PPP2R2C: variants seen among roughly 807,000 people sequenced by gnomAD.
The protein encoded by PPP2R2C is protein phosphatase 2, regulatory subunit B, gamma.
In PPP2R2C, 10 loss-of-function variants were observed where a neutral mutation model predicts 45.3. The observed-to-expected ratio is 0.22, with a 90% CI of 0.14 to 0.37. The LOEUF (loss-of-function observed/expected upper bound fraction) is 0.37. PPP2R2C is among the 10% of genes least tolerant of loss of function. The pLI, the probability that PPP2R2C is intolerant of heterozygous loss-of-function variation, is 1.00. For missense variants in PPP2R2C, 308 were observed against 619.7 expected (o/e 0.50, Z 5.34); for synonymous variants, 257 against 245.4 (o/e 1.05, Z -0.44).
At chr4:6,410,280 T>C (rs1718076854) in intron 1 of PPP2R2C, among the ~76,000 whole-genome samples, 1 of 152,118 alleles carries the variant, frequency 6.6e-6, no homozygotes, top group Non-Finnish European at 1.5e-5. Context: ...TAATGAAGCG[T>C]CCCATGTTCT....
At chr4:6,442,433 C>T (rs1374081936) in intron 1 of PPP2R2C, among the ~76,000 whole-genome samples, 1 of 152,248 alleles carries the variant, frequency 6.6e-6, no homozygotes, top group African/African-American at 2.4e-5. Flanking sequence ...CCACGTGCTT[C>T]AGTCCGTGGG....
At chr4:6,544,771 G>A (rs76990761) in intron 1 of PPP2R2C, among the ~76,000 whole-genome samples, 2,774 of 152,272 alleles carry the variant, frequency 0.018, 75 homozygotes, top group African/African-American at 0.056. Flanking sequence ...CCTTCTCCCT[G>A]TGCTCTGCAA....
At chr4:6,395,216 C>G (rs1183703620) in intron 1 of PPP2R2C, among the ~76,000 whole-genome samples, 1 of 152,198 alleles carries the variant, frequency 6.6e-6, no homozygotes, top group Non-Finnish European at 1.5e-5. Context: ...CTGGCTCACC[C>G]TCTCGCTCTC....
At chr4:6,524,856 A>C (rs1348187857) in intron 2 of PPP2R2C, among the ~76,000 whole-genome samples, 1 of 152,206 alleles carries the variant, frequency 6.6e-6, no homozygotes, top group East Asian at 1.9e-4. Flanking sequence ...TGGGAGGCTG[A>C]GGTGGGAGGA....
intron 1 of PPP2R2C, among the ~76,000 whole-genome samples, chr4:6,443,952 T>G (rs1174899276): frequency 6.6e-6 from 1 of 152,040 alleles, no homozygotes; most frequent in East Asian, 1.9e-4. Flanking sequence ...CCCTGGCCCA[T>G]GTGTAGCCTC....
intron 1 of PPP2R2C, among the ~76,000 whole-genome samples, chr4:6,545,283 G>C (rs372541387): frequency 6.6e-6 from 1 of 152,150 alleles, no homozygotes; most frequent in Admixed American, 6.5e-5. Flanking sequence ...GACTGAAATC[G>C]TGTTATAATT....
intron 1 of PPP2R2C, among the ~76,000 whole-genome samples, chr4:6,544,906 T>C (rs967881952): frequency 6.6e-6 from 1 of 152,270 alleles, no homozygotes; most frequent in Non-Finnish European, 1.5e-5. Flanking sequence ...GTGTTGCTCC[T>C]ACTGTCAAAT....
At position 6,327,152 on chromosome 4, in the gene PPP2R2C, G is replaced by T. The variant is rs1192751706; in HGVS notation, c.1052+2110C>A. Among the ~76,000 whole-genome samples the T allele has an allele frequency of 5.3e-5, 8 of 152,176 alleles. No homozygotes were observed. In the East Asian group the frequency reaches 1.5e-3, roughly 29 times the overall value. The stretch of plus-strand genomic sequence containing the variant: ...ACCCACAGCCACTGGACACACCTGA[G>T]GTCCCCAGTGAAGGGCTCAGAACAG... On this transcript the variant is annotated intron_variant, in intron 8 of 8. Transcript: ENST00000382599.
intron 1 of PPP2R2C, among the ~76,000 whole-genome samples, chr4:6,432,397 A>G (rs1182033616): frequency 4.6e-5 from 7 of 152,176 alleles, no homozygotes; most frequent in East Asian, 1.9e-4. Context: ...CAAGTGTTGT[A>G]CCCACATCCT....
chr4:6,520,330 G>T (rs1723977468), intron 2 of PPP2R2C, among the ~76,000 whole-genome samples: 1 of 152,122 alleles, frequency 6.6e-6, no homozygotes, highest in South Asian at 2.1e-4. Flanking sequence ...TACCGCAGGG[G>T]GTAGCATGGT....
chr4:6,326,870 G>A (rs1577066315), intron 8 of PPP2R2C, among the ~76,000 whole-genome samples: 1 of 152,332 alleles, frequency 6.6e-6, no homozygotes, highest in Non-Finnish European at 1.5e-5. Context: ...CGCTCTGCGG[G>A]CCGGACCAAC....
At chr4:6,391,393 C>G (rs1432453697) in intron 1 of PPP2R2C, among the ~76,000 whole-genome samples, 1 of 152,338 alleles carries the variant, frequency 6.6e-6, no homozygotes, top group African/African-American at 2.4e-5. Flanking sequence ...GGAACTCGCC[C>G]TTATTGCCAC....
Position 6,323,288 on chromosome 4 carries a change from G to C in PPP2R2C, c.*14C>G. 6.3e-7 allele frequency: 1 copy of C among 1,576,196 alleles called. No homozygotes were observed. The highest frequency in any genetic ancestry group is 1.1e-5 in the South Asian group (1 of 86,980). On this transcript the variant is annotated 3_prime_UTR_variant, in exon 9 of 9. Transcript: ENST00000382599. ...GCATGAGGCTGGGTGGCAGGGGCCG[G>C]GAACTGCACATACCTAGTGCATGTC...
At chr4:6,516,382 G>A (rs772716527) in intron 2 of PPP2R2C, among the ~76,000 whole-genome samples, 10 of 152,228 alleles carry the variant, frequency 6.6e-5, no homozygotes, top group South Asian at 4.1e-4. Context: ...CGTCTTACCC[G>A]CAGTGCTGCT....
intron 2 of PPP2R2C, among the ~76,000 whole-genome samples, chr4:6,490,765 A>G (rs1262460114): frequency 6.6e-6 from 1 of 152,212 alleles, no homozygotes; most frequent in Non-Finnish European, 1.5e-5. Flanking sequence ...AACATCAGCC[A>G]TGGCGAGAAG....
chr4:6,399,050 C>A (rs1463612623), intron 1 of PPP2R2C, among the ~76,000 whole-genome samples: 1 of 152,206 alleles, frequency 6.6e-6, no homozygotes, highest in East Asian at 1.9e-4. Context: ...GACTATCCTA[C>A]AGTGACCAAA....
At chr4:6,326,550 A>C (rs1010577323) in intron 8 of PPP2R2C, among the ~76,000 whole-genome samples, 1 of 152,184 alleles carries the variant, frequency 6.6e-6, no homozygotes, top group African/African-American at 2.4e-5. Flanking sequence ...CAGGCCTGCC[A>C]ATAGGATAGT....
intron 1 of PPP2R2C, among the ~76,000 whole-genome samples, chr4:6,542,980 G>A (rs534093930): frequency 6.6e-6 from 1 of 152,368 alleles, no homozygotes; most frequent in Non-Finnish European, 1.5e-5. Flanking sequence ...AAAAAGCAGG[G>A]AGGCCTGCAT....
chr4:6,351,267 C>A (rs994037738), intron 5 of PPP2R2C: 3 of 619,792 alleles, frequency 4.8e-6, no homozygotes, highest in Non-Finnish European at 6.0e-6. Context: ...GAGCTGAGAT[C>A]GCGCCACTGC....
Sources: gnomAD v4.1 joint callset for allele counts (sites outside exome capture counted in the v4.1 genomes callset) on GRCh38, gnomAD v4.1.1 for gene constraint, MANE v1.5 for transcripts, NCBI Gene and HGNC (gene_info 2026-07-23, HGNC 2026-07-21) for gene names.